SLC9A9: variants seen among roughly 807,000 people sequenced by gnomAD.
The protein encoded by SLC9A9 is solute carrier family 9 member A9, also known as sodium/hydrogen exchanger 9.
Under a neutral mutation model 77.8 loss-of-function variants are expected in SLC9A9, and 62 were observed. The observed-to-expected ratio is 0.80, with a 90% CI of 0.65 to 0.98. The LOEUF is 0.98. Ranked by LOEUF, SLC9A9 falls within the 50% of genes least tolerant of loss-of-function variation. The pLI, the probability that SLC9A9 is intolerant of heterozygous loss-of-function variation, is 0.00. For missense variants in SLC9A9, 775 were observed against 774.9 expected, an observed-to-expected ratio of 1.00 and a Z score of 0.00; for synonymous variants, 320 against 283.5, an observed-to-expected ratio of 1.13 and a Z score of -1.29.
intron 4 of SLC9A9, among the ~76,000 whole-genome samples, chr3:143,706,200 G>A (rs1933970698): frequency 6.6e-6 from 1 of 152,120 alleles, no homozygotes; most frequent in Admixed American, 6.5e-5. Context: ...GACGAAATAT[G>A]AATAAATAAA....
intron 1 of SLC9A9, among the ~76,000 whole-genome samples, chr3:143,844,713 C>CTT (rs1559824722): frequency 4.2e-4 from 2 of 4,812 alleles, no homozygotes; most frequent in Admixed American, 3.8e-3. Context: ...CTTTCTTTCT[C>CTT]TTTCTTTCTT....
At chr3:143,606,420 CTCTCTCTCTCTCTCTCTATA>C (rs1249779615) in intron 6 of SLC9A9, among the ~76,000 whole-genome samples, 1 of 71,752 alleles carries the variant, frequency 1.4e-5, no homozygotes, top group Non-Finnish European at 2.8e-5. Context: ...CTCTCTCTCT[CTCTCTCTCTCTCTCTCTATA>C]TATATATATA....
intron 12 of SLC9A9, among the ~76,000 whole-genome samples, chr3:143,384,512 T>G (rs992598990): frequency 1.3e-5 from 2 of 152,158 alleles, no homozygotes; most frequent in Non-Finnish European, 2.9e-5. Flanking sequence ...AGAAATAGAA[T>G]TTTATAAGAA....
Position 143,677,972 on chromosome 3 carries a change from G to A in SLC9A9, c.649+15220C>T, listed in dbSNP as rs187958695. 3.8e-3 allele frequency among the ~76,000 whole-genome samples: 582 copies of A among 152,080 alleles called. 4 individuals are homozygous for A. Among genetic ancestry groups the A allele is most frequent in the African/African-American group, 0.013 (557 of 41,484 alleles). On this transcript the variant is annotated intron_variant, in intron 5 of 15. Coordinates refer to ENST00000316549, the MANE Select transcript of SLC9A9 (RefSeq NM_173653.4). ...TTCCCAAGTAGCTGGGACTACAGGCGCCTGCCACCATGCCCAGCTAATGTT... is the reference window on the plus strand; with the variant it reads ...TTCCCAAGTAGCTGGGACTACAGGCACCTGCCACCATGCCCAGCTAATGTT...
intron 11 of SLC9A9, among the ~76,000 whole-genome samples, chr3:143,471,161 G>T (rs943670031): frequency 6.6e-6 from 1 of 152,166 alleles, no homozygotes; most frequent in Non-Finnish European, 1.5e-5. Flanking sequence ...CATGTGGCAC[G>T]CACGGCACTG....
intron 1 of SLC9A9, among the ~76,000 whole-genome samples, chr3:143,839,162 C>T (rs2009644544): frequency 6.6e-6 from 1 of 152,072 alleles, no homozygotes; most frequent in African/African-American, 2.4e-5. Context: ...TCCCACCAAC[C>T]TTTTAAATTA....
At chr3:143,564,355 A>G (rs2037134740) in intron 8 of SLC9A9, among the ~76,000 whole-genome samples, 2 of 152,214 alleles carry the variant, frequency 1.3e-5, no homozygotes, top group Non-Finnish European at 2.9e-5. Context: ...AGAGTTTCTA[A>G]GACTACAGAA....
At position 143,376,109 on chromosome 3, in the gene SLC9A9, T is replaced by C. The variant is rs190785580; in HGVS notation, c.1524+5951A>G. Among the ~76,000 whole-genome samples, 123 of 152,222 alleles carry C rather than the reference T, an allele frequency of 8.1e-4. 4 individuals are homozygous for C. In the East Asian group the frequency reaches 0.013, roughly 16 times the overall value. On this transcript the variant is annotated intron_variant, in intron 13 of 15. Coordinates refer to ENST00000316549, the MANE Select transcript of SLC9A9 (RefSeq NM_173653.4). ...GAGTGAAGGATGACACACTCTGCAG[T>C]AGGAAAAGACCTCCTAGACAACGGG...
At position 143,513,226 on chromosome 3, in the gene SLC9A9, C is replaced by T. The variant is rs868521138; in HGVS notation, c.1090-17778G>A. On this transcript the variant is annotated intron_variant, in intron 9 of 15. Transcript: ENST00000316549. ...TTAGAGTCAATCCTCTCAAACTCTG[C>T]GGCTGCTTTATCAACCAAGTTTATG... is the stretch of plus-strand genomic sequence containing the variant. Among the ~76,000 whole-genome samples, 122 of 152,334 alleles carry T rather than the reference C, an allele frequency of 8.0e-4. No individual in the cohort carries two copies. The Middle Eastern group carries it at 0.01, about 13-fold the overall frequency.
intron 11 of SLC9A9, among the ~76,000 whole-genome samples, chr3:143,478,854 C>T (rs1487736298): frequency 6.6e-6 from 1 of 152,208 alleles, no homozygotes; most frequent in East Asian, 1.9e-4. Context: ...TAAATAAATT[C>T]AGGCAGAATA....
intron 4 of SLC9A9, among the ~76,000 whole-genome samples, chr3:143,778,411 T>A (rs940524496): frequency 6.6e-6 from 1 of 152,204 alleles, no homozygotes; most frequent in Non-Finnish European, 1.5e-5. Flanking sequence ...TCCCATTTAG[T>A]TTTTGGAATT....
intron 14 of SLC9A9, among the ~76,000 whole-genome samples, chr3:143,346,351 T>C (rs79327980): frequency 1.3e-5 from 2 of 152,220 alleles, no homozygotes; most frequent in Admixed American, 1.3e-4. Flanking sequence ...TTATTCTTAA[T>C]GAAATAAAGG....
chr3:143,655,912 T>G (rs1382031884), intron 5 of SLC9A9, among the ~76,000 whole-genome samples: 1 of 152,150 alleles, frequency 6.6e-6, no homozygotes, highest in East Asian at 1.9e-4. Context: ...AAGCCATAAC[T>G]TATGAGGTCT....
intron 8 of SLC9A9, among the ~76,000 whole-genome samples, chr3:143,561,438 A>T (rs1365383255): frequency 2.0e-5 from 3 of 152,040 alleles, no homozygotes; most frequent in African/African-American, 4.8e-5. Flanking sequence ...AGCAGAAAAA[A>T]CTTAACCAAG....
Position 143,329,774 on chromosome 3 carries a change from C to A in SLC9A9, c.1604+33710G>T, listed in dbSNP as rs575421544. Among the ~76,000 whole-genome samples, 22 of 152,264 alleles carry A rather than the reference C, an allele frequency of 1.4e-4. No individual in the cohort carries two copies. In the South Asian group the frequency reaches 3.9e-3, roughly 27 times the overall value. ...AGGCTTGGGCATCCCAGCTGCAGGA[C>A]CTGGGAGCCCAAGCCCCCAGGCCAC... is the stretch of plus-strand genomic sequence containing the variant. On this transcript the variant is annotated intron_variant, in intron 14 of 15. Transcript: ENST00000316549.
At chr3:143,442,965 T>G (rs918843356) in intron 12 of SLC9A9, among the ~76,000 whole-genome samples, 2 of 152,228 alleles carry the variant, frequency 1.3e-5, no homozygotes, top group African/African-American at 4.8e-5. Context: ...TCTGAGGTTA[T>G]GGTCCTTTGA....
chr3:143,333,724 TA>T (rs1293540132), intron 14 of SLC9A9, among the ~76,000 whole-genome samples: 1 of 152,272 alleles, frequency 6.6e-6, no homozygotes, highest in Non-Finnish European at 1.5e-5. Flanking sequence ...TACCAGATTG[TA>T]TTAATTCCTA....
chr3:143,321,057 T>C (rs1216030575), intron 14 of SLC9A9, among the ~76,000 whole-genome samples: 1 of 152,188 alleles, frequency 6.6e-6, no homozygotes, highest in Admixed American at 6.5e-5. Flanking sequence ...CCTAGAGCTA[T>C]TGGAGGGAGC....
chr3:143,825,289 C>T (rs920731540), intron 2 of SLC9A9, among the ~76,000 whole-genome samples: 3 of 151,918 alleles, frequency 2.0e-5, no homozygotes, highest in Non-Finnish European at 4.4e-5. Context: ...TTGCCCCTGG[C>T]CTTATTGAAG....
Sources: gnomAD v4.1 joint callset for allele counts (sites outside exome capture counted in the v4.1 genomes callset) on GRCh38, gnomAD v4.1.1 for gene constraint, MANE v1.5 for transcripts, NCBI Gene and HGNC (gene_info 2026-07-23, HGNC 2026-07-21) for gene names.